TNFRSF25: variants seen among roughly 807,000 people sequenced by gnomAD.
TNFRSF25 encodes tumor necrosis factor receptor superfamily member 25.
TNFRSF25 carries 28 observed loss-of-function variants against 49.4 expected under a neutral mutation model. That is an observed-to-expected ratio of 0.57 (90% CI 0.42 to 0.78). The LOEUF is 0.78. Ranked by LOEUF, TNFRSF25 falls within the 30% of genes least tolerant of loss-of-function variation. TNFRSF25 has a pLI of 0.00. For missense variants in TNFRSF25, 531 were observed against 581.6 expected, an observed-to-expected ratio of 0.91 and a Z score of 0.90; for synonymous variants, 240 against 234.2, an observed-to-expected ratio of 1.02 and a Z score of -0.23.
chr1:6,462,892 T>C lies in TNFRSF25; in HGVS notation c.677A>G (p.His226Arg), dbSNP rs1300950447. The C allele has an allele frequency of 1.2e-6, 2 of 1,608,002 alleles. No homozygotes were observed. Among genetic ancestry groups the C allele is most frequent in the Non-Finnish European group, 1.7e-6 (2 of 1,177,212 alleles). Reference protein sequence around the residue: ...LGATLTYTYRHCWPHKPLVTA... With the variant: ...LGATLTYTYRRCWPHKPLVTA... ...AACCAGGGGCTTGTGAGGCCAGCAG[T>C]GGCGGTATGTGTAGGTCAGGGTGGC... is the stretch of plus-strand genomic sequence containing the variant. The change falls in exon 7 of 10, where the codon CAC becomes CGC. Residue 226 changes from histidine (H) to arginine (R), a missense_variant. Physicochemically the swap from His to Arg is conservative, Grantham distance 29. Coordinates refer to ENST00000356876, the MANE Select transcript of TNFRSF25 (RefSeq NM_003790.3). The surrounding 1 kb of genome is among the most constrained non-coding windows in gnomAD (Gnocchi z 4.2).
chr1:6,464,359 G>A lies in TNFRSF25; in HGVS notation c.542+16C>T, dbSNP rs376330921. On this transcript the variant is annotated intron_variant, in intron 5 of 9. Transcript: ENST00000356876. ...CCAGCCGCCCTTCCCTCCATCCCAC[G>A]ACAGCTAGGAATTACGTGGGGCAGG... 197 of 1,598,540 alleles carry A rather than the reference G, an allele frequency of 1.2e-4. 1 individual carries two copies. Among genetic ancestry groups the A allele is most frequent in the South Asian group, 1.1e-3 (97 of 88,400 alleles).
chr1:6,465,207 G>A lies in TNFRSF25; in HGVS notation c.176C>T (p.Ala59Val), dbSNP rs144713080. 1 of 1,611,272 alleles carries A rather than the reference G, an allele frequency of 6.2e-7. No homozygotes were observed. Among genetic ancestry groups the A allele is most frequent in the South Asian group, 1.1e-5 (1 of 90,780 alleles). Residue 59 changes from alanine (A) to valine (V), a missense_variant, in exon 3 of 10, where the codon GCC becomes GTC. Physicochemically the swap from Ala to Val is moderately conservative, Grantham distance 64 (BLOSUM62 0). Coordinates refer to ENST00000356876, the MANE Select transcript of TNFRSF25 (RefSeq NM_003790.3). ...RGCPAGHYLKAPCTEPCGNST... is the reference protein window; with the variant it reads ...RGCPAGHYLKVPCTEPCGNST... ...GTTGCCGCAGGGCTCCGTGCAAGGG[G>A]CCTTCAGGTAGTGCCCTGTGGAACC...
Position 6,464,497 on chromosome 1 carries a change from G to A in TNFRSF25, c.464-44C>T, listed in dbSNP as rs557351576. 3.0e-5 allele frequency: 48 copies of A among 1,612,638 alleles called. 2 individuals carry two copies. The South Asian group carries it at 4.8e-4, about 16-fold the overall frequency. ...ATGCGTCACCATGGGACAGGAGTGG[G>A]TCAGGCAGGGAGAAGGGGGTCTGGG... On this transcript the variant is annotated intron_variant, in intron 4 of 9. Transcript: ENST00000356876.
At position 6,466,108 on chromosome 1, in the gene TNFRSF25, A is replaced by G; in HGVS notation, c.-1T>C. On this transcript the variant is annotated 5_prime_UTR_variant, in exon 1 of 10. Transcript: ENST00000356876. ...CGCAGCCCCGCGGCCGCTGCTCCAT[A>G]GCCCTCCGACGGGCGCCCAGGGGCT... 1 of 1,553,270 alleles carries G rather than the reference A, an allele frequency of 6.4e-7. No homozygotes were observed. The highest frequency in any genetic ancestry group is 2.6e-5 in the East Asian group (1 of 37,854).
intron 1 of TNFRSF25, 73 bp downstream of exon 1, chr1:6,465,996 G>A (rs1644355683): frequency 3.9e-6 from 6 of 1,520,726 alleles, no homozygotes; most frequent in Non-Finnish European, 4.4e-6. Context: ...AGACGCGCCC[G>A]GGGCCCCTTC....
At chr1:6,464,767 A>G (rs1196585956) in intron 3 of TNFRSF25, 48 bp from the exon 4 acceptor site, 1 of 1,596,064 alleles carries the variant, frequency 6.3e-7, no homozygotes, top group South Asian at 1.1e-5. Context: ...GTCAGGGCCA[A>G]AGGCTCCCAT....
At position 6,466,067 on chromosome 1, in the gene TNFRSF25, A is replaced by ACCG. The variant is rs746282168; in HGVS notation, c.38_39+1dup. On this transcript the variant is annotated splice_donor_variant, in intron 1 of 9. Coordinates refer to ENST00000356876, the MANE Select transcript of TNFRSF25 (RefSeq NM_003790.3). LOFTEE classifies it high-confidence loss of function. ...CCCCTAGCCTCCTGCGTCTCAACTC[A>ACCG]CCGCCGCCACCGCCGCGCAGCCCCG... The ACCG allele has an allele frequency of 6.3e-7, 1 of 1,576,214 alleles. No homozygotes were observed. Among genetic ancestry groups the ACCG allele is most frequent in the Non-Finnish European group, 8.6e-7 (1 of 1,163,886 alleles).
chr1:6,464,134 C>T (rs1569793364), intron 5 of TNFRSF25: 3 of 1,388,374 alleles, frequency 2.2e-6, no homozygotes, highest in East Asian at 2.8e-5. Context: ...TGGCTAGGAT[C>T]GCTGGGGGGA....
Position 6,466,093 on chromosome 1 carries a change from C to A in TNFRSF25, c.15G>T (p.Pro5=). 6.4e-7 allele frequency: 1 copy of A among 1,574,230 alleles called. No homozygotes were observed. The highest frequency in any genetic ancestry group is 2.5e-5 in the East Asian group (1 of 39,894). Reference sequence around the variant, plus strand: ...CCGCCGCCACCGCCGCGCAGCCCCGCGGCCGCTGCTCCATAGCCCTCCGAC... The same window carrying A: ...CCGCCGCCACCGCCGCGCAGCCCCGAGGCCGCTGCTCCATAGCCCTCCGAC... The part of the protein sequence containing the change: MEQR[P]RGCAAVAAAL... The change falls in exon 1 of 10, where the codon CCG becomes CCT. Residue 5 remains proline (P), a synonymous_variant. Transcript: ENST00000356876.
At position 6,461,380 on chromosome 1, in the gene TNFRSF25, C is replaced by T; in HGVS notation, c.*54G>A. On this transcript the variant is annotated 3_prime_UTR_variant, in exon 10 of 10. Transcript: ENST00000356876. This position sits in a 1 kb window ranked among gnomAD's most constrained non-coding sequence, Gnocchi z 6.3. The stretch of plus-strand genomic sequence containing the variant: ...ATGTCTACACGCATAAGTAACCGTA[C>T]TTAGGGCTTCTGCAAGGGCCACCAG... 6.8e-7 allele frequency: 1 copy of T among 1,472,306 alleles called. No homozygotes were observed. Among genetic ancestry groups the T allele is most frequent in the South Asian group, 1.4e-5 (1 of 71,122 alleles). 91.2% of individuals were successfully genotyped at this position (1,472,306 alleles called of 1,614,324 possible). A position where few individuals can be genotyped will look rare whatever the true frequency, so the allele number is the denominator to read the frequency against.
In TNFRSF25 at chr1:6,461,511, CGGCTCCGAGGCCCGCG is replaced by C; in HGVS notation, c.1161_1176del (p.Ala388PhefsTer93). On this transcript the variant is annotated frameshift_variant, in exon 10 of 10. Transcript: ENST00000356876. LOFTEE classifies it high-confidence loss of function. The surrounding 1 kb of genome is among the most constrained non-coding windows in gnomAD (Gnocchi z 6.3). ...CCCATGCGCTCCAGGGCCGCGTAAA[CGGCTCCGAGGCCCGCG>C]GGCTGCTGCTGGCGCCAGCGCTTGA... 1 of 1,599,640 alleles carries C rather than the reference CGGCTCCGAGGCCCGCG, an allele frequency of 6.3e-7. No homozygotes were observed. Among genetic ancestry groups the C allele is most frequent in the South Asian group, 1.1e-5 (1 of 90,010 alleles).
chr1:6,461,800 G>T lies in TNFRSF25; in HGVS notation c.926-38C>A, dbSNP rs1333078296. On this transcript the variant is annotated intron_variant, in intron 9 of 9. Transcript: ENST00000356876. This position sits in a 1 kb window ranked among gnomAD's most constrained non-coding sequence, Gnocchi z 6.3. ...CAGAGAGAGCCAATTGGGGTACGTG[G>T]GCCGCGGTCGGGAGGCAGAGTCAGG... 2 of 1,469,684 alleles carry T rather than the reference G, an allele frequency of 1.4e-6. No homozygotes were observed. Among genetic ancestry groups the T allele is most frequent in the African/African-American group, 2.8e-5 (2 of 71,322 alleles). 91.0% of individuals were successfully genotyped at this position (1,469,684 alleles called of 1,614,324 possible).
In TNFRSF25 at chr1:6,462,433, A is replaced by G; in HGVS notation, c.744+196T>C. On this transcript the variant is annotated intron_variant, in intron 8 of 9. Coordinates refer to ENST00000356876, the MANE Select transcript of TNFRSF25 (RefSeq NM_003790.3). The surrounding 1 kb of genome is among the most constrained non-coding windows in gnomAD (Gnocchi z 4.2). ...ATTGAACTGTTAGCTCCTGTGTACG[A>G]ATCTGAACTCCAGCTGACTGAGCAC... The G allele has an allele frequency of 7.3e-7, 1 of 1,367,008 alleles. No individual in the cohort carries two copies. The highest frequency in any genetic ancestry group is 1.5e-5 in the South Asian group (1 of 66,712). The allele number at this position is 1,367,008 out of a possible 1,614,324, so 84.7% of individuals were successfully genotyped here.
rs1008146800 is a variant in TNFRSF25, at chr1:6,466,157, G to A, written c.-50C>T. 8 of 1,401,056 alleles carry A rather than the reference G, an allele frequency of 5.7e-6. No homozygotes were observed. Among genetic ancestry groups the A allele is most frequent in the African/African-American group, 1.6e-5 (1 of 64,008 alleles). The allele number at this position is 1,401,056 out of a possible 1,614,324, so 86.8% of individuals were successfully genotyped here. On this transcript the variant is annotated 5_prime_UTR_variant, in exon 1 of 10. The change creates a new upstream start codon in the 5' untranslated region. Coordinates refer to ENST00000356876, the MANE Select transcript of TNFRSF25 (RefSeq NM_003790.3). ...CTTCCCGGCTCCGTGCTCTCTGCCC[G>A]TCGTGGTTCCGCCTTCAGCCCCGCG...
In TNFRSF25 at chr1:6,464,579, C is replaced by T. The variant is rs77388372; in HGVS notation, c.436G>A (p.Ala146Thr). The T allele has an allele frequency of 6.2e-7, 1 of 1,614,090 alleles. No individual in the cohort carries two copies. Among genetic ancestry groups the T allele is most frequent in the Non-Finnish European group, 8.5e-7 (1 of 1,180,028 alleles). ...FYCQPCLDCG[A>T]LHRHTRLLCS... The stretch of plus-strand genomic sequence containing the variant: ...AGTAGCCGTGTGTGGCGGTGCAGGG[C>T]CCCGCAGTCTAGGCATGGTTGGCAG... Residue 146 changes from alanine (A) to threonine (T), a missense_variant, in exon 4 of 10, where the codon GCC becomes ACC. By Grantham distance (58) the Ala-to-Thr change is moderately conservative. Transcript: ENST00000356876.
chr1:6,465,375 G>A (rs1192921426), intron 2 of TNFRSF25, 65 bp downstream of exon 2: 33 of 1,405,424 alleles, frequency 2.3e-5, no homozygotes, highest in Non-Finnish European at 2.6e-5. Flanking sequence ...CTTACCTCCC[G>A]GGCCTGCCCG....
Position 6,461,980 on chromosome 1 carries a change from C to T in TNFRSF25, c.925+14G>A. ...AGAATGGGGTCAAGGCCTCAGGCCA[C>T]TGATGTCCCTTACCAAGAGCTCTGC... On this transcript the variant is annotated intron_variant, in intron 9 of 9. Transcript: ENST00000356876. The surrounding 1 kb of genome is among the most constrained non-coding windows in gnomAD (Gnocchi z 6.3). 1 of 1,595,942 alleles carries T rather than the reference C, an allele frequency of 6.3e-7. No homozygotes were observed.
rs763155635 is a variant in TNFRSF25 at position 6,464,719 on chromosome 1, G to A, written c.296C>T (p.Ala99Val). The A allele has an allele frequency of 1.6e-5, 25 of 1,612,236 alleles. No individual in the cohort carries two copies. In the South Asian group the frequency reaches 2.5e-4, roughly 16 times the overall value. Reference sequence around the variant, plus strand: ...ACAGTTCTCCAGCGCCACCTGGGAGGCTGGTGGGGGTGCAGGGAGATGGGG... The same window carrying A: ...ACAGTTCTCCAGCGCCACCTGGGAGACTGGTGGGGGTGCAGGGAGATGGGG... ...CARCQACDEQ[A>V]SQVALENCSA... Residue 99 changes from alanine (A) to valine (V), a missense_variant and splice_region_variant, in exon 4 of 10, where the codon GCC becomes GTC. Coordinates refer to ENST00000356876, the MANE Select transcript of TNFRSF25 (RefSeq NM_003790.3).
In TNFRSF25 at chr1:6,462,188, G is replaced by A; in HGVS notation, c.745-14C>T. The A allele has an allele frequency of 6.3e-7, 1 of 1,594,380 alleles. No homozygotes were observed. The highest frequency in any genetic ancestry group is 8.6e-7 in the Non-Finnish European group (1 of 1,169,300). On this transcript the variant is annotated splice_polypyrimidine_tract_variant and intron_variant, in intron 8 of 9. Coordinates refer to ENST00000356876, the MANE Select transcript of TNFRSF25 (RefSeq NM_003790.3). The surrounding 1 kb of genome is among the most constrained non-coding windows in gnomAD (Gnocchi z 4.2). ...CAGATGGGTGGCCTGGAAGCCAAGA[G>A]GGGCCCCAGGTCAGCCCTGCTTGCC...
Sources: gnomAD v4.1 joint callset for allele counts on GRCh38, gnomAD v4.1.1 for gene constraint, Gnocchi (gnomAD v3.1) non-coding constraint, MANE v1.5 for transcripts, NCBI Gene and HGNC (gene_info 2026-07-23, HGNC 2026-07-21) for gene names.